PRKN: variants seen among roughly 807,000 people sequenced by gnomAD.
The protein encoded by PRKN is parkin RBR E3 ubiquitin protein ligase.
PRKN carries 56 observed loss-of-function variants against 59.5 expected under a neutral mutation model. The observed-to-expected ratio is 0.94, with a 90% CI of 0.76 to 1.18. The LOEUF (loss-of-function observed/expected upper bound fraction) is 1.18. Among genes scored for constraint, PRKN ranks in the 50% most tolerant of loss-of-function variants. PRKN has a pLI of 0.00. For missense variants in PRKN, 657 were observed against 596.4 expected (o/e 1.10, Z -1.06); for synonymous variants, 250 against 222.1 (o/e 1.13, Z -1.12).
intron 4 of PRKN, among the ~76,000 whole-genome samples, chr6:162,130,418 T>G (rs1428732933): frequency 1.3e-5 from 2 of 152,070 alleles, no homozygotes; most frequent in Non-Finnish European, 2.9e-5. Flanking sequence ...ACACGTAATT[T>G]TGCATGCATT....
At chr6:162,666,421 C>G (rs1779105968) in intron 1 of PRKN, among the ~76,000 whole-genome samples, 2 of 152,088 alleles carry the variant, frequency 1.3e-5, no homozygotes, top group Admixed American at 1.3e-4. Context: ...ATTGTATATA[C>G]AAATGCTCTG....
chr6:162,021,256 A>C (rs1452410721), intron 5 of PRKN, among the ~76,000 whole-genome samples: 1 of 55,836 alleles, frequency 1.8e-5, no homozygotes, highest in African/African-American at 5.9e-5. Flanking sequence ...CTTAATTGAT[A>C]AGAAAACAGA....
At chr6:162,393,644 T>G (rs1051870615) in intron 2 of PRKN, among the ~76,000 whole-genome samples, 18 of 152,180 alleles carry the variant, frequency 1.2e-4, no homozygotes, top group African/African-American at 4.3e-4. Flanking sequence ...ACAATCTTTA[T>G]TAAATTATTA....
intron 6 of PRKN, among the ~76,000 whole-genome samples, chr6:161,862,237 C>T (rs1793932213): frequency 6.6e-6 from 1 of 152,190 alleles, no homozygotes. Context: ...ATTCAACCCA[C>T]TACAGTGAAT....
chr6:161,583,219 C>A (rs1202266531), intron 7 of PRKN, among the ~76,000 whole-genome samples: 1 of 152,044 alleles, frequency 6.6e-6, no homozygotes, highest in Non-Finnish European at 1.5e-5. Context: ...TATATAGTTC[C>A]TTTAGATTCT....
At chr6:162,530,301 G>A (rs933986320) in intron 1 of PRKN, among the ~76,000 whole-genome samples, 3 of 152,162 alleles carry the variant, frequency 2.0e-5, no homozygotes, top group Non-Finnish European at 4.4e-5. Flanking sequence ...AAAACTTGCT[G>A]TAGGCAGCTG....
At chr6:162,343,740 A>C (rs1374187592) in intron 2 of PRKN, among the ~76,000 whole-genome samples, 1 of 152,122 alleles carries the variant, frequency 6.6e-6, no homozygotes, top group Non-Finnish European at 1.5e-5. Context: ...CAAGTGTAGA[A>C]GACAGGGATT....
chr6:162,689,568 T>C (rs1777693930), intron 1 of PRKN, among the ~76,000 whole-genome samples: 1 of 152,248 alleles, frequency 6.6e-6, no homozygotes, highest in African/African-American at 2.4e-5. Flanking sequence ...ACTAATCTTT[T>C]TGGCAGGAAA....
intron 1 of PRKN, among the ~76,000 whole-genome samples, chr6:162,661,377 G>T (rs1778873108): frequency 6.6e-6 from 1 of 152,254 alleles, no homozygotes; most frequent in South Asian, 2.1e-4. Context: ...AAATTCTAAT[G>T]CCTAAAATGC....
intron 7 of PRKN, among the ~76,000 whole-genome samples, chr6:161,693,394 C>T (rs1785883892): frequency 6.6e-6 from 1 of 152,068 alleles, no homozygotes; most frequent in Non-Finnish European, 1.5e-5. Context: ...AGTCACCCAG[C>T]CAGGTGATGG....
At chr6:162,192,431 A>G (rs1363490196) in intron 4 of PRKN, among the ~76,000 whole-genome samples, 1 of 149,398 alleles carries the variant, frequency 6.7e-6, no homozygotes, top group African/African-American at 2.5e-5. Context: ...AGCATTCAAT[A>G]AATTATAGGG....
At chr6:162,207,438 A>G (rs1296508732) in intron 3 of PRKN, among the ~76,000 whole-genome samples, 1 of 152,152 alleles carries the variant, frequency 6.6e-6, no homozygotes, top group Non-Finnish European at 1.5e-5. Flanking sequence ...CTGGGGGAAA[A>G]GTTGCTAAAC....
intron 6 of PRKN, among the ~76,000 whole-genome samples, chr6:161,905,167 T>A (rs6455786): frequency 0.55 from 83,838 of 151,910 alleles, 23,199 homozygotes; most frequent in Middle Eastern, 0.66. Flanking sequence ...CAAGATTTGT[T>A]ACATTTACGT....
chr6:162,202,194 GATAAT>G (rs1784758448), intron 3 of PRKN, among the ~76,000 whole-genome samples: 2 of 151,924 alleles, frequency 1.3e-5, no homozygotes, highest in Non-Finnish European at 2.9e-5. Context: ...GGCACCTAGA[GATAAT>G]ATATTTTTTT....
At chr6:162,427,644 G>GTTTTTTTTTTTTT (rs1219394770) in intron 2 of PRKN, among the ~76,000 whole-genome samples, 1 of 144,208 alleles carries the variant, frequency 6.9e-6, no homozygotes. Context: ...GTAAATAAAT[G>GTTTTTTTTTTTTT]TTTTTTTTTC....
At chr6:162,617,293 G>A (rs1296162189) in intron 1 of PRKN, among the ~76,000 whole-genome samples, 1 of 152,188 alleles carries the variant, frequency 6.6e-6, no homozygotes, top group African/African-American at 2.4e-5. Flanking sequence ...GTGCAGTGGT[G>A]TGATCTGGGC....
At chr6:161,984,057 C>T (rs767775789) in intron 5 of PRKN, among the ~76,000 whole-genome samples, 28 of 152,110 alleles carry the variant, frequency 1.8e-4, no homozygotes, top group Non-Finnish European at 3.8e-4. Context: ...CCTCCCCAGC[C>T]CAGGGGTGAA....
intron 5 of PRKN, among the ~76,000 whole-genome samples, chr6:162,009,894 C>A (rs1442616117): frequency 6.6e-6 from 1 of 151,586 alleles, no homozygotes; most frequent in East Asian, 1.9e-4. Flanking sequence ...CAAGATCCCA[C>A]CACTGCACTC....
chr6:162,024,450 G>A (rs1391258373), intron 5 of PRKN, among the ~76,000 whole-genome samples: 12 of 152,142 alleles, frequency 7.9e-5, no homozygotes, highest in Admixed American at 7.9e-4. Flanking sequence ...ACCGGCCTCG[G>A]CCTCTCAAAG....
Sources: allele counts gnomAD v4.1 joint callset (sites outside exome capture counted in the v4.1 genomes callset), GRCh38; gene constraint gnomAD v4.1.1; transcripts MANE v1.5; gene names NCBI Gene and HGNC (gene_info 2026-07-23, HGNC 2026-07-21).